Variants in CA10 observed in about 807,000 individuals in gnomAD.
CA10 encodes the protein carbonic anhydrase 10 (inactive).
In CA10, 14 loss-of-function variants were observed where a neutral mutation model predicts 44.2. The ratio of observed to expected loss-of-function variants is 0.32; its 90% CI spans 0.21 to 0.50. The LOEUF (loss-of-function observed/expected upper bound fraction) is 0.50, where lower values mean the gene tolerates loss of function less well. Ranked by LOEUF, CA10 falls within the 20% of genes least tolerant of loss-of-function variation. The pLI, the probability that CA10 is intolerant of heterozygous loss-of-function variation, is 0.99. For missense variants in CA10, 350 were observed against 409.7 expected, an observed-to-expected ratio of 0.85 and a Z score of 1.26; for synonymous variants, 159 against 141.6, an observed-to-expected ratio of 1.12 and a Z score of -0.87.
At chr17:52,104,170 C>G (rs1988604686) in intron 1 of CA10, among the ~76,000 whole-genome samples, 1 of 150,816 alleles carries the variant, frequency 6.6e-6, no homozygotes. Context: ...GGGTGGGGTC[C>G]CTCATCACAC....
chr17:52,074,442 T>A (rs1450862370), intron 1 of CA10, among the ~76,000 whole-genome samples: 5 of 151,894 alleles, frequency 3.3e-5, no homozygotes, highest in Non-Finnish European at 7.4e-5. Context: ...AACTTCAGAG[T>A]TTTATAAAAA....
intron 2 of CA10, among the ~76,000 whole-genome samples, chr17:52,001,357 A>G (rs1401231262): frequency 2.0e-5 from 3 of 152,056 alleles, no homozygotes; most frequent in Admixed American, 6.6e-5. Flanking sequence ...CAGAACTAAA[A>G]GAGACAGAAA....
intron 2 of CA10, among the ~76,000 whole-genome samples, chr17:51,936,200 C>T (rs1982858473): frequency 6.6e-6 from 1 of 152,146 alleles, no homozygotes; most frequent in Non-Finnish European, 1.5e-5. Context: ...ATGTGTCAGG[C>T]ACTGCCATCA....
intron 1 of CA10, among the ~76,000 whole-genome samples, chr17:52,123,906 C>A (rs901071396): frequency 5.3e-5 from 8 of 152,104 alleles, no homozygotes; most frequent in African/African-American, 1.9e-4. Context: ...TAGGAGCAGA[C>A]CCTTGGGACC....
At chr17:51,828,284 A>C (rs767325) in intron 3 of CA10, among the ~76,000 whole-genome samples, 102,532 of 151,992 alleles carry the variant, frequency 0.67, 36,107 homozygotes, top group African/African-American at 0.87. Flanking sequence ...CAGAACATCT[A>C]TCTGCACCCA....
At chr17:52,060,324 A>G (rs968233797) in intron 2 of CA10, among the ~76,000 whole-genome samples, 25 of 152,170 alleles carry the variant, frequency 1.6e-4, no homozygotes, top group African/African-American at 5.8e-4. Flanking sequence ...CGAAAGAGAC[A>G]TGAAGGCTAA....
intron 3 of CA10, among the ~76,000 whole-genome samples, chr17:51,926,436 A>G (rs1269168412): frequency 2.0e-5 from 3 of 152,184 alleles, no homozygotes; most frequent in Non-Finnish European, 1.5e-5. Context: ...ATTATTTTAG[A>G]TTCCTTTTGG....
At chr17:51,849,187 A>ATATATATACATATATG (rs1978649124) in intron 3 of CA10, among the ~76,000 whole-genome samples, 13 of 64,540 alleles carry the variant, frequency 2.0e-4, no homozygotes, top group African/African-American at 1.2e-3. Context: ...ATATATGTAT[A>ATATATATACATATATG]TATATATATA....
chr17:52,106,700 G>A (rs2143268649), intron 1 of CA10, among the ~76,000 whole-genome samples: 1 of 152,194 alleles, frequency 6.6e-6, no homozygotes. Context: ...AAGAAAAATT[G>A]GTTTCCTCCA....
Position 51,636,005 on chromosome 17 carries a change from A to G in CA10, c.639T>C (p.Asp213=), listed in dbSNP as rs768013353. 2 of 1,569,018 alleles carry G rather than the reference A, an allele frequency of 1.3e-6. No individual in the cohort carries two copies. The highest frequency in any genetic ancestry group is 1.4e-5 in the African/African-American group (1 of 73,582). ...DTITRITYKN[D]AYLLQGLNIE... Reference sequence around the variant, plus strand: ...TATTAAGCCCCTGTAGTAAATATGCATCATCTAGAGAAGGAAAGAAGACTT... The same window carrying G: ...TATTAAGCCCCTGTAGTAAATATGCGTCATCTAGAGAAGGAAAGAAGACTT... Residue 213 remains aspartate, a synonymous_variant, in exon 7 of 9, where the codon GAT becomes GAC. Transcript: ENST00000451037.
intron 3 of CA10, among the ~76,000 whole-genome samples, chr17:51,825,238 T>G (rs1391528668): frequency 6.6e-6 from 1 of 152,242 alleles, no homozygotes; most frequent in East Asian, 1.9e-4. Context: ...ATAAAACTGC[T>G]GAAGGTATAT....
intron 6 of CA10, among the ~76,000 whole-genome samples, chr17:51,645,759 A>G (rs947965113): frequency 3.3e-5 from 5 of 152,236 alleles, no homozygotes; most frequent in Non-Finnish European, 5.9e-5. Context: ...AACAGTACCC[A>G]GGAAGACCTG....
At chr17:51,902,689 T>G (rs1357843947) in intron 3 of CA10, among the ~76,000 whole-genome samples, 2 of 152,174 alleles carry the variant, frequency 1.3e-5, no homozygotes, top group African/African-American at 2.4e-5. Flanking sequence ...TGGATGAAGA[T>G]TCTGTGTAAT....
intron 4 of CA10, among the ~76,000 whole-genome samples, chr17:51,720,367 G>C (rs959031542): frequency 1.3e-5 from 2 of 152,194 alleles, no homozygotes; most frequent in East Asian, 3.9e-4. Context: ...AATCATATCT[G>C]AGTTTATGCT....
At chr17:51,843,509 A>AT (rs914737060) in intron 3 of CA10, among the ~76,000 whole-genome samples, 3 of 151,950 alleles carry the variant, frequency 2.0e-5, no homozygotes, top group African/African-American at 7.3e-5. Context: ...TTGCTGGTTG[A>AT]TTTTTTTTCC....
intron 3 of CA10, among the ~76,000 whole-genome samples, chr17:51,890,332 T>A (rs1309550682): frequency 6.6e-6 from 1 of 152,182 alleles, no homozygotes; most frequent in East Asian, 1.9e-4. Flanking sequence ...GCTTCAGTTG[T>A]GGGTTCGTAA....
At chr17:51,684,889 G>C (rs746617201) in intron 4 of CA10, among the ~76,000 whole-genome samples, 13 of 152,198 alleles carry the variant, frequency 8.5e-5, no homozygotes, top group Admixed American at 2.0e-4. Flanking sequence ...ATTAAAAGAA[G>C]CAGAGAAAGA....
chr17:52,101,889 T>G (rs1306005765), intron 1 of CA10, among the ~76,000 whole-genome samples: 1 of 152,068 alleles, frequency 6.6e-6, no homozygotes, highest in African/African-American at 2.4e-5. Flanking sequence ...ATTAATAAAT[T>G]TCTCCCTCCC....
At chr17:51,859,084 C>T (rs7221158) in intron 3 of CA10, among the ~76,000 whole-genome samples, 30,759 of 151,954 alleles carry the variant, frequency 0.2, 5,023 homozygotes, top group African/African-American at 0.46. Context: ...TTAACATAAG[C>T]TAGTTAATTA....
Sources: gnomAD v4.1 joint callset for allele counts (sites outside exome capture counted in the v4.1 genomes callset) on GRCh38, gnomAD v4.1.1 for gene constraint, MANE v1.5 for transcripts, NCBI Gene and HGNC (gene_info 2026-07-23, HGNC 2026-07-21) for gene names.